The following SORCS2 variants were observed in gnomAD, a reference collection of about 807,000 sequenced individuals.
The protein encoded by SORCS2 is sortilin related VPS10 domain containing receptor 2.
Under a neutral mutation model 141.6 loss-of-function variants are expected in SORCS2, and 100 were observed. That is an observed-to-expected ratio of 0.71 (90% CI 0.60 to 0.83). The LOEUF is 0.83. SORCS2 is among the 40% of genes least tolerant of loss of function. SORCS2 has a pLI of 0.00. For synonymous variants in SORCS2, 789 were observed against 676.9 expected (o/e 1.17, Z -2.57); for missense variants, 1,646 against 1,560.2 (o/e 1.05, Z -0.93).
chr4:7,500,451 G>A (rs1039869230), intron 2 of SORCS2, among the ~76,000 whole-genome samples: 6 of 152,088 alleles, frequency 3.9e-5, no homozygotes, highest in African/African-American at 1.4e-4. Context: ...CTTTTCTGTG[G>A]GTGCTACCCA....
At position 7,562,087 on chromosome 4, in the gene SORCS2, G is replaced by T. The variant is rs113828268; in HGVS notation, c.648+30458G>T. Among the ~76,000 whole-genome samples, 464 of 152,316 alleles carry T rather than the reference G, an allele frequency of 3.0e-3. 3 individuals carry two copies. The highest frequency in any genetic ancestry group is 0.01 in the African/African-American group (432 of 41,554). On this transcript the variant is annotated intron_variant, in intron 3 of 26. Coordinates refer to ENST00000507866, the MANE Select transcript of SORCS2 (RefSeq NM_020777.3). ...CCATGGAGTTGACAACTTAGTATGGGGGCAGGCAGTAAGTGAATGATCACC... is the reference window on the plus strand; with the variant it reads ...CCATGGAGTTGACAACTTAGTATGGTGGCAGGCAGTAAGTGAATGATCACC...
At chr4:7,312,708 C>T (rs139823687) in intron 1 of SORCS2, among the ~76,000 whole-genome samples, 1 of 152,256 alleles carries the variant, frequency 6.6e-6, no homozygotes, top group Non-Finnish European at 1.5e-5. Flanking sequence ...GTGCCAGGTA[C>T]GTTGCAGAGT....
intron 2 of SORCS2, among the ~76,000 whole-genome samples, chr4:7,478,817 A>G (rs561476724): frequency 6.6e-6 from 1 of 152,304 alleles, no homozygotes; most frequent in African/African-American, 2.4e-5. Flanking sequence ...CACTCGGCCC[A>G]TGACAGGGGA....
At chr4:7,577,617 A>T (rs1715843410) in intron 3 of SORCS2, among the ~76,000 whole-genome samples, 1 of 150,002 alleles carries the variant, frequency 6.7e-6, no homozygotes, top group Non-Finnish European at 1.5e-5. Flanking sequence ...TGGAGAAGTC[A>T]TATAGCATAC....
At chr4:7,362,225 G>A (rs17814167) in intron 1 of SORCS2, among the ~76,000 whole-genome samples, 53,922 of 151,958 alleles carry the variant, frequency 0.35, 10,950 homozygotes, top group Non-Finnish European at 0.46. Context: ...GCCGCCAGTC[G>A]TCCTCTGAAT....
chr4:7,512,144 C>T (rs1030296582), intron 2 of SORCS2, among the ~76,000 whole-genome samples: 3 of 152,112 alleles, frequency 2.0e-5, no homozygotes, highest in Non-Finnish European at 2.9e-5. Flanking sequence ...AAACAGATAT[C>T]AGAGGTGAGC....
intron 1 of SORCS2, among the ~76,000 whole-genome samples, chr4:7,195,141 C>T (rs1727095347): frequency 6.8e-6 from 1 of 147,434 alleles, no homozygotes; most frequent in South Asian, 2.2e-4. Flanking sequence ...TCCTCTGTGA[C>T]TGGGTGGGCT....
chr4:7,198,758 C>T (rs1390352770), intron 1 of SORCS2, among the ~76,000 whole-genome samples: 1 of 152,180 alleles, frequency 6.6e-6, no homozygotes, highest in Non-Finnish European at 1.5e-5. Context: ...GACCCTGGGC[C>T]TGGCAGCTGG....
At chr4:7,300,174 C>G (rs1323325291) in intron 1 of SORCS2, among the ~76,000 whole-genome samples, 1 of 152,122 alleles carries the variant, frequency 6.6e-6, no homozygotes. Context: ...TGGGTTCTTG[C>G]ACTGAGGGTG....
At chr4:7,354,917 A>G (rs1374732043) in intron 1 of SORCS2, among the ~76,000 whole-genome samples, 1 of 152,118 alleles carries the variant, frequency 6.6e-6, no homozygotes, top group Non-Finnish European at 1.5e-5. Flanking sequence ...CACTTCTTAT[A>G]TTTCATAGAA....
At chr4:7,261,512 C>G (rs147181332) in intron 1 of SORCS2, among the ~76,000 whole-genome samples, 1 of 152,358 alleles carries the variant, frequency 6.6e-6, no homozygotes, top group East Asian at 1.9e-4. Context: ...CTTCCTTTCT[C>G]TCCAGCCCAG....
chr4:7,613,359 G>C (rs547935273), intron 3 of SORCS2, among the ~76,000 whole-genome samples: 2 of 152,362 alleles, frequency 1.3e-5, no homozygotes, highest in South Asian at 4.1e-4. Flanking sequence ...GTTCAGCGGG[G>C]CTCTGCGTGG....
At chr4:7,313,027 C>T (rs188884999) in intron 1 of SORCS2, among the ~76,000 whole-genome samples, 6 of 152,302 alleles carry the variant, frequency 3.9e-5, no homozygotes, top group South Asian at 2.1e-4. Flanking sequence ...CAGAGGCCTG[C>T]GAGGACTGGG....
chr4:7,325,268 C>T (rs982230763), intron 1 of SORCS2, among the ~76,000 whole-genome samples: 3 of 152,192 alleles, frequency 2.0e-5, no homozygotes, highest in Non-Finnish European at 4.4e-5. Flanking sequence ...GCCAGCCAGG[C>T]AGCGCGCTTC....
In SORCS2 at chr4:7,201,585, C is replaced by A. The variant is rs773800307; in HGVS notation, c.480+8459C>A. Among the ~76,000 whole-genome samples the A allele has an allele frequency of 6.6e-6, 1 of 152,136 alleles. No homozygotes were observed. The highest frequency in any genetic ancestry group is 1.5e-5 in the Non-Finnish European group (1 of 68,030). ...ATGGAGAGCAGACTGGAGTGACGGG[C>A]GAATCAGCTGGGACGCTGCCGAGAA... On this transcript the variant is annotated intron_variant, in intron 1 of 26. Transcript: ENST00000507866. The surrounding 1 kb of genome is among the most constrained non-coding windows in gnomAD (Gnocchi z 4.4).
chr4:7,421,637 T>G (rs1366475118), intron 2 of SORCS2, among the ~76,000 whole-genome samples: 3 of 152,152 alleles, frequency 2.0e-5, no homozygotes, highest in Non-Finnish European at 4.4e-5. Flanking sequence ...GTGTGTCTCC[T>G]AAGCCACAGC....
At chr4:7,260,555 G>A (rs1039435776) in intron 1 of SORCS2, among the ~76,000 whole-genome samples, 2 of 152,226 alleles carry the variant, frequency 1.3e-5, no homozygotes, top group Non-Finnish European at 2.9e-5. Context: ...GAGTGAACGG[G>A]AGCTGTGGTT....
intron 2 of SORCS2, among the ~76,000 whole-genome samples, chr4:7,500,023 C>T (rs552809463): frequency 6.6e-6 from 1 of 150,850 alleles, no homozygotes; most frequent in South Asian, 2.1e-4. Flanking sequence ...CTGCTGTGCA[C>T]CCAGCACCGT....
rs974636505 is a variant in SORCS2 at position 7,664,011 on chromosome 4, A to T, written c.953-342A>T. 6.6e-6 allele frequency among the ~76,000 whole-genome samples: 1 copy of T among 152,172 alleles called. No individual in the cohort carries two copies. Among genetic ancestry groups the T allele is most frequent in the African/African-American group, 2.4e-5 (1 of 41,448 alleles). On this transcript the variant is annotated intron_variant, in intron 6 of 26. Coordinates refer to ENST00000507866, the MANE Select transcript of SORCS2 (RefSeq NM_020777.3). The surrounding 1 kb of genome is among the most constrained non-coding windows in gnomAD (Gnocchi z 4.7). ...GCCCCACCCGCCCCCATCCCTGCTTAGGTGTGAGAGACTTCAGGAGGGTAT... is the reference window on the plus strand; with the variant it reads ...GCCCCACCCGCCCCCATCCCTGCTTTGGTGTGAGAGACTTCAGGAGGGTAT...
Sources: gnomAD v4.1 joint callset for allele counts (sites outside exome capture counted in the v4.1 genomes callset) on GRCh38, gnomAD v4.1.1 for gene constraint, Gnocchi (gnomAD v3.1) non-coding constraint, MANE v1.5 for transcripts, NCBI Gene and HGNC (gene_info 2026-07-23, HGNC 2026-07-21) for gene names.